Variants in DHX38 observed in about 807,000 individuals in gnomAD.
DHX38 encodes DEAH-box helicase 38, also known as pre-mRNA-splicing factor ATP-dependent RNA helicase PRP16.
Under a neutral mutation model 153.1 loss-of-function variants are expected in DHX38, and 100 were observed. That is an observed-to-expected ratio of 0.65 (90% CI 0.56 to 0.77). DHX38 has a LOEUF of 0.77. Among genes scored for constraint, DHX38 ranks in the 30% least tolerant of loss-of-function variants. The pLI is 0.00. For missense variants in DHX38, 1,440 were observed against 1,654.0 expected, an observed-to-expected ratio of 0.87 and a Z score of 2.24; for synonymous variants, 650 against 631.7, an observed-to-expected ratio of 1.03 and a Z score of -0.43.
rs142553887 is a variant in DHX38, at chr16:72,104,883, G to A, written c.2152-144G>A. The A allele has an allele frequency of 3.6e-3, 3,087 of 865,040 alleles. 9 individuals carry two copies. The highest frequency in any genetic ancestry group is 4.2e-3 in the Non-Finnish European group (2,399 of 570,760). The allele number at this position is 865,040 out of a possible 1,614,324, so 53.6% of individuals were successfully genotyped here. A position where few individuals can be genotyped will look rare whatever the true frequency, so the allele number is the denominator to read the frequency against. ...CACTGTGCCCTCTTGTAGAGGCCTC[G>A]CAGTCAGGCCCATGTGGAGGTGTGG... On this transcript the variant is annotated intron_variant, in intron 15 of 26. Coordinates refer to ENST00000268482, the MANE Select transcript of DHX38 (RefSeq NM_014003.4). This position sits in a 1 kb window ranked among gnomAD's most constrained non-coding sequence, Gnocchi z 4.5.
chr16:72,096,865 G>C lies in DHX38; in HGVS notation c.367G>C (p.Gly123Arg). The C allele has an allele frequency of 6.2e-7, 1 of 1,613,972 alleles. No homozygotes were observed. The highest frequency in any genetic ancestry group is 8.5e-7 in the Non-Finnish European group (1 of 1,179,928). The change falls in exon 3 of 27, where the codon GGT (glycine) becomes CGT (arginine). Residue 123 changes from glycine (G) to arginine (R), a missense_variant. This residue lies in a region of DHX38 where 483 missense variants were observed against 465.1 expected (regional missense o/e 1.04). Coordinates refer to ENST00000268482, the MANE Select transcript of DHX38 (RefSeq NM_014003.4). ...ARVETPSHPG[G>R]VSEEFWERSR... ...GGTAGAGACTCCATCCCATCCGGGT[G>C]GTGTGAGCGAAGAGTTTTGGGAACG...
Position 72,108,482 on chromosome 16 carries a change from G to C in DHX38, c.3130G>C (p.Val1044Leu). Residue 1044 changes from valine (V) to leucine (L), a missense_variant, in exon 23 of 27, where the codon GTG becomes CTG. Physicochemically the swap from Val to Leu is conservative, Grantham distance 32 (BLOSUM62 1). This residue lies in a region of DHX38 where 543 missense variants were observed against 717.9 expected (regional missense o/e 0.76). Transcript: ENST00000268482. ...CCGTCTCCTGCCCTAGGTCCGGGAG[G>C]TGCGAGCTCAACTCAAGGACATCAT... ...HAKAMRKVREVRAQLKDIMVQ... is the reference protein window; with the variant it reads ...HAKAMRKVRELRAQLKDIMVQ... The C allele has an allele frequency of 6.2e-7, 1 of 1,614,164 alleles. No homozygotes were observed. Among genetic ancestry groups the C allele is most frequent in the Non-Finnish European group, 8.5e-7 (1 of 1,180,016 alleles).
chr16:72,107,212 T>G lies in DHX38; in HGVS notation c.2601-128T>G. The stretch of plus-strand genomic sequence containing the variant: ...GATTGGAGTTTTGAATAGGTGGAAG[T>G]CAGTGATTCACTGAAGTAGTGGGTG... On this transcript the variant is annotated intron_variant, in intron 19 of 26. Coordinates refer to ENST00000268482, the MANE Select transcript of DHX38 (RefSeq NM_014003.4). The surrounding 1 kb of genome is among the most constrained non-coding windows in gnomAD (Gnocchi z 5.3). 1.1e-6 allele frequency: 1 copy of G among 952,224 alleles called. No individual in the cohort carries two copies. 59.0% of individuals were successfully genotyped at this position (952,224 alleles called of 1,614,324 possible). A position where few individuals can be genotyped will look rare whatever the true frequency, so the allele number is the denominator to read the frequency against.
rs753017052 is a variant in DHX38, at chr16:72,108,463, C to T, written c.3121-10C>T. 1 of 1,613,994 alleles carries T rather than the reference C, an allele frequency of 6.2e-7. No homozygotes were observed. On this transcript the variant is annotated splice_polypyrimidine_tract_variant and intron_variant, in intron 22 of 26. Coordinates refer to ENST00000268482, the MANE Select transcript of DHX38 (RefSeq NM_014003.4). ...GGGCTCCCTCCTGGTGCCTCCGTCT[C>T]CTGCCCTAGGTCCGGGAGGTGCGAG...
chr16:72,105,223 G>A lies in DHX38; in HGVS notation c.2263-9G>A, dbSNP rs1433875103. 6.2e-7 allele frequency: 1 copy of A among 1,613,956 alleles called. No homozygotes were observed. The highest frequency in any genetic ancestry group is 1.1e-5 in the South Asian group (1 of 91,076). Reference sequence around the variant, plus strand: ...TCCAGTGTCTCACAGCTCCTCCCTGGGCTCTCAGGTGACCTCAGACCAGAT... The same window carrying A: ...TCCAGTGTCTCACAGCTCCTCCCTGAGCTCTCAGGTGACCTCAGACCAGAT... On this transcript the variant is annotated splice_polypyrimidine_tract_variant and intron_variant, in intron 16 of 26. Coordinates refer to ENST00000268482, the MANE Select transcript of DHX38 (RefSeq NM_014003.4).
intron 11 of DHX38, 35 bp downstream of exon 11, chr16:72,101,647 C>A (rs368281218): frequency 1.2e-4 from 185 of 1,531,848 alleles, no homozygotes; most frequent in Middle Eastern, 3.6e-4. Context: ...ATCAGCCTTG[C>A]TCCAAAGATG....
chr16:72,109,247 C>G (rs1392322196), intron 24 of DHX38, among the ~76,000 whole-genome samples, 168 bp from the exon 25 acceptor site: 1 of 152,166 alleles, frequency 6.6e-6, no homozygotes, highest in Non-Finnish European at 1.5e-5. Context: ...GGCATTTTCT[C>G]AAGTGTGGAG....
rs2042272612 is a variant in DHX38, at chr16:72,112,610, A to G, written c.*113A>G. ...CATCTGAGGACTTTCATCTGTGCAT[A>G]TCACGGCCCCCCAGGGCAGTTCCTG... On this transcript the variant is annotated 3_prime_UTR_variant, in exon 27 of 27. Coordinates refer to ENST00000268482, the MANE Select transcript of DHX38 (RefSeq NM_014003.4). 2.6e-6 allele frequency: 3 copies of G among 1,155,852 alleles called. No individual in the cohort carries two copies. Among genetic ancestry groups the G allele is most frequent in the Admixed American group, 3.8e-5 (2 of 52,036 alleles). The allele number at this position is 1,155,852 out of a possible 1,614,324, so 71.6% of individuals were successfully genotyped here.
At chr16:72,111,212 T>C (rs2042251777) in intron 26 of DHX38, 135 bp downstream of exon 26, 1 of 1,328,074 alleles carries the variant, frequency 7.5e-7, no homozygotes, top group African/African-American at 1.5e-5. Context: ...AAGTTGCTTG[T>C]GCATTTGGTG....
chr16:72,095,327 A>T (rs2041996193), intron 1 of DHX38, among the ~76,000 whole-genome samples: 1 of 152,230 alleles, frequency 6.6e-6, no homozygotes, highest in African/African-American at 2.4e-5. Context: ...ATGGATTGTT[A>T]TTAAACTGAT....
intron 4 of DHX38, 105 bp downstream of exon 4, chr16:72,097,886 C>T (rs1227984529): frequency 7.4e-6 from 8 of 1,086,100 alleles, no homozygotes; most frequent in Non-Finnish European, 9.6e-6. Context: ...TCAGAATTCC[C>T]GATTCTACCA....
At position 72,107,637 on chromosome 16, in the gene DHX38, T is replaced by C. The variant is rs1202603690; in HGVS notation, c.2810-8T>C. Reference sequence around the variant, plus strand: ...CGTCAAATATCCGGGTTTGCTCATCTCTCCTAGGTGGTCTGACCTCTACCG... The same window carrying C: ...CGTCAAATATCCGGGTTTGCTCATCCCTCCTAGGTGGTCTGACCTCTACCG... On this transcript the variant is annotated splice_polypyrimidine_tract_variant and splice_region_variant and intron_variant, in intron 20 of 26. Coordinates refer to ENST00000268482, the MANE Select transcript of DHX38 (RefSeq NM_014003.4). This position sits in a 1 kb window ranked among gnomAD's most constrained non-coding sequence, Gnocchi z 5.3. The C allele has an allele frequency of 6.2e-7, 1 of 1,612,336 alleles. No individual in the cohort carries two copies. The highest frequency in any genetic ancestry group is 1.7e-5 in the Admixed American group (1 of 59,974).
At chr16:72,110,796 T>C (rs1436835816) in intron 25 of DHX38, among the ~76,000 whole-genome samples, 160 bp from the exon 26 acceptor site, 1 of 151,930 alleles carries the variant, frequency 6.6e-6, no homozygotes, top group Admixed American at 6.5e-5. Context: ...AGGCCTCAGC[T>C]GCAGAAGAGA....
At chr16:72,097,493 G>C (rs2042037314) in intron 3 of DHX38, 184 bp from the exon 4 acceptor site, 2 of 555,902 alleles carry the variant, frequency 3.6e-6, no homozygotes, top group Non-Finnish European at 6.4e-6. Flanking sequence ...AAATTTTCTA[G>C]GCAGTAACTA....
chr16:72,099,683 A>G, intron 7 of DHX38, 49 bp from the exon 8 acceptor site: 2 of 1,606,292 alleles, frequency 1.2e-6, no homozygotes, highest in Non-Finnish European at 1.7e-6. Flanking sequence ...TGTCTCGTGC[A>G]TAAACTTGAT....
At position 72,104,293 on chromosome 16, in the gene DHX38, C is replaced by G; in HGVS notation, c.2010+162C>G. On this transcript the variant is annotated intron_variant, in intron 14 of 26. Coordinates refer to ENST00000268482, the MANE Select transcript of DHX38 (RefSeq NM_014003.4). This position sits in a 1 kb window ranked among gnomAD's most constrained non-coding sequence, Gnocchi z 4.5. ...GACTCGGGTTGTAGTTCATGCTGTT[C>G]TTGCTCTGCTGAGGGTGGCTTGGGG... The G allele has an allele frequency of 8.5e-7, 1 of 1,181,706 alleles. No homozygotes were observed. The highest frequency in any genetic ancestry group is 1.2e-6 in the Non-Finnish European group (1 of 859,566). 73.2% of individuals were successfully genotyped at this position (1,181,706 alleles called of 1,614,324 possible).
intron 4 of DHX38, 104 bp downstream of exon 4, chr16:72,097,885 C>T (rs1251981184): frequency 9.2e-7 from 1 of 1,091,918 alleles, no homozygotes; most frequent in East Asian, 2.6e-5. Flanking sequence ...GTCAGAATTC[C>T]CGATTCTACC....
At chr16:72,108,003 T>C (rs188621191) in intron 21 of DHX38, among the ~76,000 whole-genome samples, 1 of 152,350 alleles carries the variant, frequency 6.6e-6, no homozygotes, top group Admixed American at 6.5e-5. Context: ...TTTGGAAATT[T>C]GCAAGAGCAT....
At chr16:72,098,817 A>G (rs2042056854) in intron 5 of DHX38, 25 bp downstream of exon 5, 1 of 1,613,194 alleles carries the variant, frequency 6.2e-7, no homozygotes, top group South Asian at 1.1e-5. Flanking sequence ...AGAGCAGCCC[A>G]GTTTCGCTGG....
Sources: gnomAD v4.1 joint callset for allele counts (sites outside exome capture counted in the v4.1 genomes callset) on GRCh38, gnomAD v4.1.1 for gene constraint, gnomAD v4.1.1 regional missense constraint, Gnocchi (gnomAD v3.1) non-coding constraint, MANE v1.5 for transcripts, NCBI Gene and HGNC (gene_info 2026-07-23, HGNC 2026-07-21) for gene names.